Variants in MAP4K3 observed in about 807,000 individuals in gnomAD.
The protein encoded by MAP4K3 is MAPK/ERK kinase kinase kinase 3.
A neutral mutation model predicts 143.5 loss-of-function variants in MAP4K3; 94 were observed. That is an observed-to-expected ratio of 0.65 (90% CI 0.55 to 0.78). The LOEUF (loss-of-function observed/expected upper bound fraction) is 0.78, where lower values mean the gene tolerates loss of function less well. Ranked by LOEUF, MAP4K3 falls within the 30% of genes least tolerant of loss-of-function variation. The pLI, the probability that MAP4K3 is intolerant of heterozygous loss-of-function variation, is 0.00. For missense variants in MAP4K3, 1,077 were observed against 1,068.1 expected (o/e 1.01, Z -0.12); for synonymous variants, 416 against 347.2 (o/e 1.20, Z -2.20).
At chr2:39,406,055 T>C (rs990411592) in intron 1 of MAP4K3, among the ~76,000 whole-genome samples, 107 of 151,918 alleles carry the variant, frequency 7.0e-4, no homozygotes, top group African/African-American at 2.5e-3. Flanking sequence ...AATAATTAAA[T>C]AGAATCAAGC....
intron 1 of MAP4K3, among the ~76,000 whole-genome samples, chr2:39,378,738 T>TG (rs1342064093): frequency 6.6e-6 from 1 of 152,082 alleles, no homozygotes; most frequent in Non-Finnish European, 1.5e-5. Context: ...GTCAAATACA[T>TG]GTAGTTCAAT....
chr2:39,424,030 G>A (rs531484437), intron 1 of MAP4K3, among the ~76,000 whole-genome samples: 3 of 152,032 alleles, frequency 2.0e-5, no homozygotes, highest in South Asian at 2.1e-4. Flanking sequence ...TGCAACCTCC[G>A]CCTCCCAGGT....
Position 39,359,933 on chromosome 2 carries a change from G to T in MAP4K3, c.155-3594C>A, listed in dbSNP as rs140896745. The stretch of plus-strand genomic sequence containing the variant: ...AGCCTCCAGGGCTGTGATGGGAGGG[G>T]TTGCTGCAAAAGTCTCTGAAATGCC... On this transcript the variant is annotated intron_variant, in intron 2 of 33. Coordinates refer to ENST00000263881, the MANE Select transcript of MAP4K3 (RefSeq NM_003618.4). Among the ~76,000 whole-genome samples the T allele has an allele frequency of 3.3e-5, 5 of 152,366 alleles. No individual in the cohort carries two copies. The East Asian group carries it at 9.6e-4, about 29-fold the overall frequency.
At chr2:39,404,160 G>A (rs1389438510) in intron 1 of MAP4K3, among the ~76,000 whole-genome samples, 1 of 152,040 alleles carries the variant, frequency 6.6e-6, no homozygotes, top group Non-Finnish European at 1.5e-5. Flanking sequence ...CCCAGTTGTG[G>A]TAGCTACAGT....
intron 1 of MAP4K3, among the ~76,000 whole-genome samples, chr2:39,429,064 C>CAAAAA (rs34783806): frequency 8.3e-5 from 5 of 60,088 alleles, no homozygotes; most frequent in Admixed American, 2.7e-4. Context: ...GACTCCGTCT[C>CAAAAA]AAAAAAAAAA....
chr2:39,311,426 A>C (rs1456818364), intron 13 of MAP4K3, among the ~76,000 whole-genome samples: 1 of 152,162 alleles, frequency 6.6e-6, no homozygotes, highest in Non-Finnish European at 1.5e-5. Context: ...CTGCTGATAC[A>C]GGGTACTTGT....
At chr2:39,252,698 G>C (rs1292173437) in intron 32 of MAP4K3, among the ~76,000 whole-genome samples, 1 of 152,124 alleles carries the variant, frequency 6.6e-6, no homozygotes, top group African/African-American at 2.4e-5. Flanking sequence ...GTAGGCTGAA[G>C]AAAAAATGGA....
At chr2:39,307,245 A>G (rs1682743727) in intron 15 of MAP4K3, among the ~76,000 whole-genome samples, 1 of 152,176 alleles carries the variant, frequency 6.6e-6, no homozygotes, top group Non-Finnish European at 1.5e-5. Flanking sequence ...TAGCAGAAAG[A>G]ACTATTTACT....
intron 12 of MAP4K3, among the ~76,000 whole-genome samples, 177 bp downstream of exon 12, chr2:39,325,341 T>A (rs968719526): frequency 6.6e-6 from 1 of 152,184 alleles, no homozygotes; most frequent in African/African-American, 2.4e-5. Flanking sequence ...AAGAAAAACC[T>A]AGCATTTGAC....
At chr2:39,254,660 C>A in intron 31 of MAP4K3, 140 bp from the exon 32 acceptor site, 1 of 594,426 alleles carries the variant, frequency 1.7e-6, no homozygotes, top group Middle Eastern at 2.7e-4. Flanking sequence ...GGCATCTTTA[C>A]ATTTGAAAAG....
chr2:39,336,876 T>G, intron 6 of MAP4K3, 44 bp downstream of exon 6: 1 of 864,548 alleles, frequency 1.2e-6, no homozygotes, highest in East Asian at 3.0e-5. Context: ...TCAGAGTATT[T>G]AAAAATGAAG....
intron 20 of MAP4K3, among the ~76,000 whole-genome samples, chr2:39,287,815 T>A (rs1385956501): frequency 1.3e-5 from 2 of 152,206 alleles, no homozygotes; most frequent in Non-Finnish European, 2.9e-5. Context: ...TTTTCCATGT[T>A]TGTTCATAGT....
chr2:39,259,223 T>A (rs370894037), intron 29 of MAP4K3, among the ~76,000 whole-genome samples: 2 of 152,100 alleles, frequency 1.3e-5, no homozygotes. Context: ...TGTCTATATA[T>A]GCCAAAACTA....
intron 4 of MAP4K3, among the ~76,000 whole-genome samples, chr2:39,340,610 A>G (rs920239782): frequency 3.3e-5 from 5 of 152,244 alleles, no homozygotes; most frequent in African/African-American, 1.2e-4. Flanking sequence ...TGAAGAAAGC[A>G]GAATCAGACA....
chr2:39,318,525 T>C (rs1211769172), intron 12 of MAP4K3, among the ~76,000 whole-genome samples: 1 of 152,142 alleles, frequency 6.6e-6, no homozygotes, highest in Non-Finnish European at 1.5e-5. Context: ...ATAAATGTAA[T>C]ACACACTAAC....
At chr2:39,353,575 A>T (rs1665518969) in intron 3 of MAP4K3, among the ~76,000 whole-genome samples, 1 of 152,316 alleles carries the variant, frequency 6.6e-6, no homozygotes, top group Non-Finnish European at 1.5e-5. Flanking sequence ...GGAATGAAGC[A>T]AAATCATAAA....
Position 39,286,955 on chromosome 2 carries a change from A to C in MAP4K3, c.1484T>G (p.Met495Arg). 3 of 1,589,390 alleles carry C rather than the reference A, an allele frequency of 1.9e-6. No individual in the cohort carries two copies. The highest frequency in any genetic ancestry group is 2.6e-6 in the Non-Finnish European group (3 of 1,162,340). The change falls in exon 21 of 34, where the codon ATG (methionine) becomes AGG (arginine). Residue 495 changes from methionine to arginine, a missense_variant. Physicochemically the swap from Met to Arg is moderately conservative, Grantham distance 91. Coordinates refer to ENST00000263881, the MANE Select transcript of MAP4K3 (RefSeq NM_003618.4). ...PHKPVALGNG[M>R]SSFQLNGERD... The stretch of plus-strand genomic sequence containing the variant: ...TTCACCATTTAACTGGAAGGAGCTC[A>C]TTCCATTTCCTTCAATAAGATATAT...
In MAP4K3 at chr2:39,325,497, G is replaced by A. The variant is rs189946691; in HGVS notation, c.918+21C>T. On this transcript the variant is annotated intron_variant, in intron 12 of 33. Transcript: ENST00000263881. ...ACACATATACATGTTATATATGCCC[G>A]CTGGTAAAAGCAATTCCTACCTCAG... 9.6e-5 allele frequency: 147 copies of A among 1,536,972 alleles called. No homozygotes were observed. The East Asian group carries it at 1.3e-3, about 14-fold the overall frequency.
intron 1 of MAP4K3, among the ~76,000 whole-genome samples, chr2:39,386,008 G>A (rs1266355503): frequency 6.6e-6 from 1 of 152,062 alleles, no homozygotes; most frequent in East Asian, 1.9e-4. Flanking sequence ...GAATTGAATT[G>A]TGCTCCCTAC....
Sources: allele counts gnomAD v4.1 joint callset (sites outside exome capture counted in the v4.1 genomes callset), GRCh38; gene constraint gnomAD v4.1.1; transcripts MANE v1.5; gene names NCBI Gene and HGNC (gene_info 2026-07-23, HGNC 2026-07-21).